The following EBAG9 variants were observed in gnomAD, a reference collection of about 807,000 sequenced individuals.
EBAG9 encodes the protein receptor-binding cancer antigen expressed on SiSo cells.
In EBAG9, 16 loss-of-function variants were observed where a neutral mutation model predicts 30.9. The ratio of observed to expected loss-of-function variants is 0.52; its 90% CI spans 0.35 to 0.79. The LOEUF is 0.79. Among genes scored for constraint, EBAG9 ranks in the 30% least tolerant of loss-of-function variants. The pLI is 0.01. For missense variants in EBAG9, 197 were observed against 242.1 expected (o/e 0.81, Z 1.24); for synonymous variants, 93 against 82.8 (o/e 1.12, Z -0.67).
chr8:109,542,716 C>T (rs771179355), intron 1 of EBAG9, among the ~76,000 whole-genome samples: 1 of 152,032 alleles, frequency 6.6e-6, no homozygotes, highest in Non-Finnish European at 1.5e-5. Flanking sequence ...TCATTCTACT[C>T]ATAATGAAGC....
chr8:109,550,948 C>T (rs1319317632), intron 2 of EBAG9, 41 bp downstream of exon 2: 14 of 1,387,840 alleles, frequency 1.0e-5, no homozygotes, highest in East Asian at 2.5e-5. Context: ...TTTATCTCCT[C>T]GCTGGTTTTG....
intron 2 of EBAG9, among the ~76,000 whole-genome samples, chr8:109,553,104 G>T (rs1052471294): frequency 2.6e-5 from 4 of 151,490 alleles, no homozygotes; most frequent in African/African-American, 9.7e-5. Context: ...TGAAGTAAAT[G>T]ACTAATTATC....
intron 5 of EBAG9, among the ~76,000 whole-genome samples, 188 bp downstream of exon 5, chr8:109,557,230 C>T (rs1017331620): frequency 1.3e-4 from 19 of 151,978 alleles, no homozygotes; most frequent in African/African-American, 4.1e-4. Context: ...TGTAAATTAC[C>T]TTAGATACTA....
intron 6 of EBAG9, among the ~76,000 whole-genome samples, chr8:109,562,537 T>A (rs1285772016): frequency 1.3e-5 from 2 of 152,024 alleles, no homozygotes; most frequent in East Asian, 3.8e-4. Flanking sequence ...TCTGAGCTTT[T>A]TTCCTGTTGC....
chr8:109,543,166 T>A (rs946202533), intron 1 of EBAG9, among the ~76,000 whole-genome samples: 4 of 143,826 alleles, frequency 2.8e-5, no homozygotes, highest in Admixed American at 7.0e-5. Context: ...TTTTTTTTTT[T>A]AACAGTCACT....
At chr8:109,550,685 A>G in intron 1 of EBAG9, 125 bp from the exon 2 acceptor site, 1 of 641,370 alleles carries the variant, frequency 1.6e-6, no homozygotes, top group East Asian at 2.9e-5. Context: ...TTACTGTGTT[A>G]TAGTTTCTAG....
chr8:109,561,399 TC>T (rs1358497391), intron 6 of EBAG9, among the ~76,000 whole-genome samples: 1 of 152,012 alleles, frequency 6.6e-6, no homozygotes, highest in East Asian at 1.9e-4. Flanking sequence ...TTAAATGATG[TC>T]CATGAAAGCC....
chr8:109,564,619 A>ATT lies in EBAG9; in HGVS notation c.*62_*63dup. 6.3e-7 allele frequency: 1 copy of ATT among 1,595,836 alleles called. No individual in the cohort carries two copies. Among genetic ancestry groups the ATT allele is most frequent in the Non-Finnish European group, 8.5e-7 (1 of 1,170,244 alleles). ...ATCTCAGCTCCACAACCCAAGCAAC[A>ATT]TTTGTATGGATTTAAGAGTATTTTA... is the stretch of plus-strand genomic sequence containing the variant. On this transcript the variant is annotated 3_prime_UTR_variant, in exon 7 of 7. Transcript: ENST00000337573.
chr8:109,564,037 A>C (rs1821765470), intron 6 of EBAG9, among the ~76,000 whole-genome samples: 1 of 152,092 alleles, frequency 6.6e-6, no homozygotes, highest in South Asian at 2.1e-4. Context: ...TATCAAGCTC[A>C]ATATCAAGCT....
intron 1 of EBAG9, among the ~76,000 whole-genome samples, chr8:109,543,731 G>T (rs967146808): frequency 6.6e-6 from 1 of 151,942 alleles, no homozygotes; most frequent in Non-Finnish European, 1.5e-5. Context: ...CCCATGAAAT[G>T]CATTTTTAAA....
At chr8:109,544,316 C>CT (rs1241990492) in intron 1 of EBAG9, among the ~76,000 whole-genome samples, 1 of 152,010 alleles carries the variant, frequency 6.6e-6, no homozygotes, top group East Asian at 1.9e-4. Flanking sequence ...GGAAAAAAAA[C>CT]TATCAAATTA....
chr8:109,541,678 G>C (rs1319711411), intron 1 of EBAG9, among the ~76,000 whole-genome samples: 23 of 152,200 alleles, frequency 1.5e-4, no homozygotes, highest in Non-Finnish European at 1.5e-5. Context: ...ATTCCTCAGG[G>C]ATAAGTTTAT....
At chr8:109,548,960 C>T (rs758530635) in intron 1 of EBAG9, among the ~76,000 whole-genome samples, 11 of 147,222 alleles carry the variant, frequency 7.5e-5, no homozygotes, top group Non-Finnish European at 1.3e-4. Context: ...GTAGAAAAAG[C>T]AGACATGCTT....
rs1821775813 is a variant in EBAG9 at position 109,564,462 on chromosome 8, A to G, written c.545A>G (p.Glu182Gly). The change falls in exon 7 of 7, where the codon GAA becomes GGA. Residue 182 changes from glutamate (E) to glycine (G), a missense_variant. By Grantham distance (98) the Glu-to-Gly change is moderately conservative. Coordinates refer to ENST00000337573, the MANE Select transcript of EBAG9 (RefSeq NM_004215.5). ...VLRQQKLADREKRAAEQQRKK... is the reference protein window; with the variant it reads ...VLRQQKLADRGKRAAEQQRKK... ...AGACAGCAGAAACTAGCAGACAGAG[A>G]AAAGAGAGCAGCCGAACAACAAAGG... is the stretch of plus-strand genomic sequence containing the variant. The G allele has an allele frequency of 6.2e-7, 1 of 1,612,606 alleles. No individual in the cohort carries two copies. Among genetic ancestry groups the G allele is most frequent in the Admixed American group, 1.7e-5 (1 of 59,894 alleles).
At chr8:109,558,985 A>G (rs755475616) in intron 5 of EBAG9, among the ~76,000 whole-genome samples, 4 of 152,076 alleles carry the variant, frequency 2.6e-5, no homozygotes, top group Non-Finnish European at 4.4e-5. Context: ...CATCTCTACT[A>G]AAGGATCAGA....
chr8:109,562,644 A>G (rs1387634517), intron 6 of EBAG9, among the ~76,000 whole-genome samples: 1 of 151,492 alleles, frequency 6.6e-6, no homozygotes, highest in East Asian at 1.9e-4. Context: ...GGTAAAATGT[A>G]TTTTTGTCTG....
At chr8:109,545,344 G>A (rs1415126421) in intron 1 of EBAG9, among the ~76,000 whole-genome samples, 2 of 142,972 alleles carry the variant, frequency 1.4e-5, no homozygotes, top group South Asian at 2.2e-4. Context: ...AAAAAAAAAG[G>A]CTACCAAAAT....
rs577670753 is a variant in EBAG9 at position 109,557,148 on chromosome 8, A to G, written c.429+106A>G. On this transcript the variant is annotated intron_variant, in intron 5 of 6. Coordinates refer to ENST00000337573, the MANE Select transcript of EBAG9 (RefSeq NM_004215.5). ...TTTAACATAGTATTTATATTTTTGTAACTTTGAAACAGGTTTAGCAGTTTG... is the reference window on the plus strand; with the variant it reads ...TTTAACATAGTATTTATATTTTTGTGACTTTGAAACAGGTTTAGCAGTTTG... 9.4e-5 allele frequency: 58 copies of G among 614,672 alleles called. 1 individual carries two copies. The South Asian group carries it at 2.1e-3, about 22-fold the overall frequency. 38.1% of individuals were successfully genotyped at this position (614,672 alleles called of 1,614,324 possible).
In EBAG9 at chr8:109,550,853, A is replaced by C. The variant is rs769700323; in HGVS notation, c.29A>C (p.Lys10Thr). 6.2e-7 allele frequency: 1 copy of C among 1,604,188 alleles called. No individual in the cohort carries two copies. The highest frequency in any genetic ancestry group is 1.7e-5 in the Admixed American group (1 of 59,420). The change falls in exon 2 of 7, where the codon AAA becomes ACA. Residue 10 changes from lysine to threonine, a missense_variant. Physicochemically the swap from Lys to Thr is moderately conservative, Grantham distance 78. Transcript: ENST00000337573. MAITQFRLFKFCTCLATVFS... is the reference protein window; with the variant it reads MAITQFRLFTFCTCLATVFS... ...GCCATCACCCAGTTTCGGTTATTTA[A>C]ATTTTGTACCTGCCTAGCAACAGTA...
Sources: allele counts gnomAD v4.1 joint callset (sites outside exome capture counted in the v4.1 genomes callset), GRCh38; gene constraint gnomAD v4.1.1; transcripts MANE v1.5; gene names NCBI Gene and HGNC (gene_info 2026-07-23, HGNC 2026-07-21).